Variants in MOCOS observed in about 807,000 individuals in gnomAD.
MOCOS encodes the protein human molybdenum cofactor sulfurase.
In MOCOS, 86 loss-of-function variants were observed where a neutral mutation model predicts 83.6. The observed-to-expected ratio is 1.03, with a 90% CI of 0.86 to 1.23. MOCOS has a LOEUF of 1.23. Ranked by LOEUF, MOCOS falls within the 50% of genes most tolerant of loss-of-function variation. MOCOS has a pLI of 0.00. For synonymous variants in MOCOS, 445 were observed against 434.7 expected (o/e 1.02, Z -0.29); for missense variants, 1,120 against 1,126.9 (o/e 0.99, Z 0.09).
chr18:36,218,837 TTTTATTTATTTATTTATTTA>T (rs34171207), intron 8 of MOCOS, among the ~76,000 whole-genome samples: 3 of 133,928 alleles, frequency 2.2e-5, no homozygotes, highest in Non-Finnish European at 3.1e-5. Context: ...CTTTATTTTA[TTTTATTTATTTATTTATTTA>T]TTTATTTATT....
At chr18:36,219,185 T>TA (rs1287580217) in intron 8 of MOCOS, among the ~76,000 whole-genome samples, 62 of 150,242 alleles carry the variant, frequency 4.1e-4, no homozygotes, top group African/African-American at 1.5e-3. Context: ...TTATTATTAT[T>TA]TTATTTTATT....
chr18:36,220,499 A>G (rs746550610), intron 9 of MOCOS, among the ~76,000 whole-genome samples: 7 of 152,140 alleles, frequency 4.6e-5, no homozygotes, highest in Admixed American at 1.3e-4. Flanking sequence ...ACAGAGCAAG[A>G]CCTTGTATCA....
intron 13 of MOCOS, among the ~76,000 whole-genome samples, chr18:36,262,094 T>C (rs1282051693): frequency 1.3e-5 from 2 of 152,118 alleles, no homozygotes; most frequent in African/African-American, 4.8e-5. Flanking sequence ...CCATTCTTAA[T>C]AGACCACAAC....
At chr18:36,194,731 C>CA (rs1352108152) in intron 1 of MOCOS, among the ~76,000 whole-genome samples, 1 of 152,212 alleles carries the variant, frequency 6.6e-6, no homozygotes, top group Non-Finnish European at 1.5e-5. Context: ...TGATCTCTGC[C>CA]AATCTGATCA....
rs3744900 is a variant in MOCOS, at chr18:36,199,742, G to A, written c.359G>A (p.Ser120Asn). 82,060 of 1,614,110 alleles carry A rather than the reference G, an allele frequency of 0.051. 2,619 individuals are homozygous for A. The highest frequency in any genetic ancestry group is 0.12 in the East Asian group (5,210 of 44,866). ...TACACTGTGATCTTCACTGCCGGGA[G>A]CACGGCTGCTCTCAAACTGGTGGCA... is the stretch of plus-strand genomic sequence containing the variant. ...EDYTVIFTAG[S>N]TAALKLVAEA... The change falls in exon 4 of 15, where the codon AGC becomes AAC. Residue 120 changes from serine to asparagine, a missense_variant. Coordinates refer to ENST00000261326, the MANE Select transcript of MOCOS (RefSeq NM_017947.4).
rs188525252 is a variant in MOCOS at position 36,192,757 on chromosome 18, C to G, written c.143-2500C>G. Reference sequence around the variant, plus strand: ...CCACCTCCCAGGCTCAAGTGATTATCCTGCCTCAGCCTCCCAAGTAGCTGG... The same window carrying G: ...CCACCTCCCAGGCTCAAGTGATTATGCTGCCTCAGCCTCCCAAGTAGCTGG... On this transcript the variant is annotated intron_variant, in intron 1 of 14. Coordinates refer to ENST00000261326, the MANE Select transcript of MOCOS (RefSeq NM_017947.4). Among the ~76,000 whole-genome samples, 46 of 152,202 alleles carry G rather than the reference C, an allele frequency of 3.0e-4. 1 individual carries two copies. The highest frequency in any genetic ancestry group is 5.6e-4 in the Non-Finnish European group (38 of 68,012).
At position 36,257,081 on chromosome 18, in the gene MOCOS, C is replaced by T. The variant is rs889096049; in HGVS notation, c.2270+8C>T. 1.6e-5 allele frequency: 25 copies of T among 1,606,008 alleles called. No individual in the cohort carries two copies. Among genetic ancestry groups the T allele is most frequent in the Non-Finnish European group, 2.0e-5 (23 of 1,172,856 alleles). ...CCGGCAACTAAACACCAGGTAAGAC[C>T]TCATACCTCGGGACTAGCAGACAAG... On this transcript the variant is annotated splice_region_variant and intron_variant, in intron 12 of 14. Transcript: ENST00000261326.
At chr18:36,215,477 A>G in intron 7 of MOCOS, 39 bp from the exon 8 acceptor site, 1 of 1,584,888 alleles carries the variant, frequency 6.3e-7, no homozygotes, top group Non-Finnish European at 8.6e-7. Context: ...TCTATGAGAA[A>G]GGGGTCACTC....
At chr18:36,193,514 T>C (rs187163838) in intron 1 of MOCOS, among the ~76,000 whole-genome samples, 8 of 152,198 alleles carry the variant, frequency 5.3e-5, no homozygotes, top group Admixed American at 1.3e-4. Context: ...ATAAGTGATA[T>C]TGGGACAACT....
chr18:36,206,804 A>G (rs952165367), intron 6 of MOCOS, among the ~76,000 whole-genome samples: 3 of 152,188 alleles, frequency 2.0e-5, no homozygotes, highest in Non-Finnish European at 2.9e-5. Context: ...ATGTTGCTGC[A>G]AAGGACTGGT....
At chr18:36,210,616 C>T (rs942761722) in intron 6 of MOCOS, among the ~76,000 whole-genome samples, 2 of 151,676 alleles carry the variant, frequency 1.3e-5, no homozygotes, top group East Asian at 3.9e-4. Context: ...TTTGGGAGGC[C>T]GAGGTTGGTG....
intron 4 of MOCOS, among the ~76,000 whole-genome samples, chr18:36,201,750 G>A (rs1044888835): frequency 1.3e-5 from 2 of 151,508 alleles, no homozygotes; most frequent in Admixed American, 6.6e-5. Flanking sequence ...AATGTTAGGA[G>A]GCTATTTGAT....
intron 6 of MOCOS, among the ~76,000 whole-genome samples, chr18:36,213,075 T>C (rs2091461182): frequency 6.6e-6 from 1 of 152,188 alleles, no homozygotes; most frequent in Non-Finnish European, 1.5e-5. Flanking sequence ...ATGGACACAG[T>C]AACACTTGGA....
intron 13 of MOCOS, among the ~76,000 whole-genome samples, chr18:36,263,408 T>C (rs1226069739): frequency 6.6e-6 from 1 of 152,238 alleles, no homozygotes; most frequent in Admixed American, 6.5e-5. Flanking sequence ...TTTCAACCCA[T>C]GGAATGCCAG....
chr18:36,258,851 T>A (rs2091652025), intron 12 of MOCOS, among the ~76,000 whole-genome samples: 1 of 152,182 alleles, frequency 6.6e-6, no homozygotes, highest in African/African-American at 2.4e-5. Context: ...ATTAAGTGTT[T>A]TGGATCTTCA....
At chr18:36,216,900 A>T (rs931936202) in intron 8 of MOCOS, among the ~76,000 whole-genome samples, 3 of 152,326 alleles carry the variant, frequency 2.0e-5, no homozygotes, top group East Asian at 3.9e-4. Flanking sequence ...ACAGAGAAGA[A>T]CATAGCGTTG....
rs623558 is a variant in MOCOS, at chr18:36,200,057, A to G, written c.674A>G (p.His225Arg). 1 allele frequency: 1,611,719 copies of G among 1,614,198 alleles called. 804,652 individuals carry two copies. The highest frequency in any genetic ancestry group is 1 in the Non-Finnish European group (1,179,970 of 1,180,046). ...GAAGAGGTCAAGTCTGGGCGGTTGC[A>G]CCCTGTGAGCACGCCTGGGAAGTGG... ...WIEEVKSGRL[H>R]PVSTPGKWFV... The change falls in exon 4 of 15, where the codon CAC becomes CGC. Residue 225 changes from histidine to arginine, a missense_variant. Transcript: ENST00000261326.
At chr18:36,197,004 G>A (rs1277441108) in intron 2 of MOCOS, among the ~76,000 whole-genome samples, 1 of 152,140 alleles carries the variant, frequency 6.6e-6, no homozygotes, top group Non-Finnish European at 1.5e-5. Flanking sequence ...CTGTCTGGGG[G>A]TTAAGTTTGA....
chr18:36,212,482 C>T (rs971296718), intron 6 of MOCOS, among the ~76,000 whole-genome samples: 22 of 152,122 alleles, frequency 1.4e-4, no homozygotes, highest in Non-Finnish European at 2.9e-4. Flanking sequence ...CCAGGACTCA[C>T]CTTAGAGCTG....
Sources: gnomAD v4.1 joint callset for allele counts (sites outside exome capture counted in the v4.1 genomes callset) on GRCh38, gnomAD v4.1.1 for gene constraint, MANE v1.5 for transcripts, NCBI Gene and HGNC (gene_info 2026-07-23, HGNC 2026-07-21) for gene names.